The following POLR1A variants were observed in gnomAD, a reference collection of about 807,000 sequenced individuals.
POLR1A encodes DNA-directed RNA polymerase I subunit RPA1.
Under a neutral mutation model 205.3 loss-of-function variants are expected in POLR1A, and 84 were observed. The observed-to-expected ratio is 0.41, with a 90% CI of 0.34 to 0.49. POLR1A has a LOEUF of 0.49. Ranked by LOEUF, POLR1A falls within the 20% of genes least tolerant of loss-of-function variation. The pLI, the probability that POLR1A is intolerant of heterozygous loss-of-function variation, is 0.22. For missense variants in POLR1A, 1,645 were observed against 2,204.5 expected, an observed-to-expected ratio of 0.75 and a Z score of 5.08; for synonymous variants, 799 against 863.7, an observed-to-expected ratio of 0.93 and a Z score of 1.31.
At position 86,031,594 on chromosome 2, in the gene POLR1A, C is replaced by A. The variant is rs750664315; in HGVS notation, c.4314G>T (p.Glu1438Asp). The A allele has an allele frequency of 5.6e-6, 9 of 1,613,352 alleles. No individual in the cohort carries two copies. Among genetic ancestry groups the A allele is most frequent in the Non-Finnish European group, 6.8e-6 (8 of 1,179,334 alleles). ...CCTGCATGTCTTCATCGTCGTTCTCCTCGCCCTCCCTCTCCTCCTCTTCCT... is the reference window on the plus strand; with the variant it reads ...CCTGCATGTCTTCATCGTCGTTCTCATCGCCCTCCCTCTCCTCCTCTTCCT... ...ESEEEEEREG[E>D]ENDDEDMQEE... is the part of the protein sequence containing the mutation. The change falls in exon 30 of 34, where the codon GAG becomes GAT. Residue 1438 changes from glutamate to aspartate, a missense_variant. Glu to Asp is a conservative substitution (Grantham distance 45). This residue lies in a region of POLR1A where 394 missense variants were observed against 468.5 expected (regional missense o/e 0.84). Transcript: ENST00000263857.
rs909636422 is a variant in POLR1A at position 86,020,814 on chromosome 2, C to G, written c.*6609G>C. ...CCCTCCAGTAGCAACAAAAAATGTCCGCAGACACTGCTGAATGTCCCCTGG... is the reference window on the plus strand; with the variant it reads ...CCCTCCAGTAGCAACAAAAAATGTCGGCAGACACTGCTGAATGTCCCCTGG... On this transcript the variant is annotated 3_prime_UTR_variant, in exon 34 of 34. Coordinates refer to ENST00000263857, the MANE Select transcript of POLR1A (RefSeq NM_015425.6). 1 of 152,176 alleles carries G rather than the reference C, an allele frequency of 6.6e-6. No homozygotes were observed. The highest frequency in any genetic ancestry group is 2.4e-5 in the African/African-American group (1 of 41,420). 9.4% of individuals were successfully genotyped at this position (152,176 alleles called of 1,614,324 possible).
intron 19 of POLR1A, among the ~76,000 whole-genome samples, chr2:86,046,274 AAAAAC>A (rs1056700046): frequency 3.9e-5 from 6 of 152,152 alleles, no homozygotes; most frequent in African/African-American, 7.2e-5. Context: ...ATTTTCAATT[AAAAAC>A]AAAACAAAAC....
intron 19 of POLR1A, 115 bp downstream of exon 19, chr2:86,047,050 G>T: frequency 1.5e-6 from 1 of 663,796 alleles, no homozygotes; most frequent in Non-Finnish European, 2.7e-6. Flanking sequence ...ATTTCTACAC[G>T]CTTTCCTCTT....
At chr2:86,031,213 G>A in intron 30 of POLR1A, 117 bp downstream of exon 30, 1 of 1,408,210 alleles carries the variant, frequency 7.1e-7, no homozygotes, top group Non-Finnish European at 9.3e-7. Flanking sequence ...GGAGACCATG[G>A]GGAATGTTGG....
At chr2:86,052,657 A>C (rs1028427889) in intron 16 of POLR1A, among the ~76,000 whole-genome samples, 160 bp downstream of exon 16, 1 of 152,240 alleles carries the variant, frequency 6.6e-6, no homozygotes, top group African/African-American at 2.4e-5. Context: ...CCTGTAATAA[A>C]GCGTGGTGCA....
rs1690202228 is a variant in POLR1A at position 86,023,749 on chromosome 2, T to C, written c.*3674A>G. 1 of 96,944 alleles carries C rather than the reference T, an allele frequency of 1.0e-5. No individual in the cohort carries two copies. The highest frequency in any genetic ancestry group is 9.5e-5 in the Admixed American group (1 of 10,494). The allele number at this position is 96,944 out of a possible 1,614,324, so 6.0% of individuals were successfully genotyped here. Reference sequence around the variant, plus strand: ...TATTCAAAGGAAAGCAGGGTCTGAGTTTTTGTTTTTTTTTTTTTTTGAGAC... The same window carrying C: ...TATTCAAAGGAAAGCAGGGTCTGAGCTTTTGTTTTTTTTTTTTTTTGAGAC... On this transcript the variant is annotated 3_prime_UTR_variant, in exon 34 of 34. Coordinates refer to ENST00000263857, the MANE Select transcript of POLR1A (RefSeq NM_015425.6).
intron 24 of POLR1A, among the ~76,000 whole-genome samples, chr2:86,041,181 G>A (rs1171189085): frequency 2.0e-5 from 2 of 98,974 alleles, no homozygotes; most frequent in African/African-American, 7.7e-5. Context: ...GTGTGTGTGT[G>A]TGTGTGTGTG....
chr2:86,032,231 G>T (rs1029471059), intron 29 of POLR1A, 41 bp downstream of exon 29: 2 of 1,329,690 alleles, frequency 1.5e-6, no homozygotes, highest in South Asian at 1.2e-5. Context: ...AGGGAAGGGG[G>T]CTGGGACCAC....
chr2:86,097,779 G>A (rs1408555532), intron 3 of POLR1A, among the ~76,000 whole-genome samples: 1 of 152,148 alleles, frequency 6.6e-6, no homozygotes, highest in Non-Finnish European at 1.5e-5. Context: ...TTTGTTAAAG[G>A]AGATAAAATT....
intron 19 of POLR1A, among the ~76,000 whole-genome samples, chr2:86,046,486 CT>C (rs1316550680): frequency 6.6e-6 from 1 of 152,088 alleles, no homozygotes; most frequent in African/African-American, 2.4e-5. Context: ...TTTAGACCCT[CT>C]CAAGGTCACC....
At chr2:86,082,983 A>G (rs1474680041) in intron 7 of POLR1A, 99 bp downstream of exon 7, 7 of 887,956 alleles carry the variant, frequency 7.9e-6, no homozygotes, top group Non-Finnish European at 1.3e-5. Context: ...GGAAGCTACA[A>G]TCACTACAAC....
At chr2:86,046,213 T>G (rs1672707314) in intron 19 of POLR1A, among the ~76,000 whole-genome samples, 1 of 152,108 alleles carries the variant, frequency 6.6e-6, no homozygotes, top group African/African-American at 2.4e-5. Flanking sequence ...GAGGATCCCT[T>G]GAGCCCAGAA....
At chr2:86,044,524 G>C (rs1672677219) in intron 21 of POLR1A, among the ~76,000 whole-genome samples, 3 of 152,214 alleles carry the variant, frequency 2.0e-5, no homozygotes, top group Admixed American at 6.5e-5. Context: ...AGGAGGAGGA[G>C]GCTGCAGCCA....
chr2:86,045,206 A>T, intron 21 of POLR1A, 72 bp downstream of exon 21: 2 of 980,702 alleles, frequency 2.0e-6, no homozygotes, highest in East Asian at 4.8e-5. Flanking sequence ...TGAGCTGCTG[A>T]TATAATGTGA....
intron 23 of POLR1A, 109 bp downstream of exon 23, chr2:86,042,865 A>G: frequency 1.3e-6 from 1 of 797,398 alleles, no homozygotes; most frequent in East Asian, 2.4e-5. Flanking sequence ...CGGTGAACAA[A>G]GCTGGAGTTC....
chr2:86,102,909 A>G (rs1406735375), intron 1 of POLR1A, among the ~76,000 whole-genome samples: 2 of 151,956 alleles, frequency 1.3e-5, no homozygotes, highest in Non-Finnish European at 2.9e-5. Flanking sequence ...GGTGTTGTTA[A>G]GAACTGAGAA....
At position 86,022,411 on chromosome 2, in the gene POLR1A, A is replaced by G. The variant is rs1690162718; in HGVS notation, c.*5012T>C. The G allele has an allele frequency of 6.6e-6, 1 of 152,226 alleles. No homozygotes were observed. The highest frequency in any genetic ancestry group is 2.4e-5 in the African/African-American group (1 of 41,452). The allele number at this position is 152,226 out of a possible 1,614,324, so 9.4% of individuals were successfully genotyped here. ...GATCCTACTGCAGAAACCTAGGGCC[A>G]GTGACTCCTTGAGATGTCATCGTAC... On this transcript the variant is annotated 3_prime_UTR_variant, in exon 34 of 34. Transcript: ENST00000263857.
intron 11 of POLR1A, among the ~76,000 whole-genome samples, chr2:86,075,659 C>A (rs1461540976): frequency 6.6e-6 from 1 of 152,156 alleles, no homozygotes; most frequent in Non-Finnish European, 1.5e-5. Context: ...CAGGCACACA[C>A]TACCACACCT....
At chr2:86,068,155 G>A (rs1352867874) in intron 13 of POLR1A, among the ~76,000 whole-genome samples, 1 of 152,170 alleles carries the variant, frequency 6.6e-6, no homozygotes, top group Non-Finnish European at 1.5e-5. Context: ...TCACTGGTCT[G>A]AGGACTTCAG....
Sources: gnomAD v4.1 joint callset for allele counts (sites outside exome capture counted in the v4.1 genomes callset) on GRCh38, gnomAD v4.1.1 for gene constraint, gnomAD v4.1.1 regional missense constraint, MANE v1.5 for transcripts, NCBI Gene and HGNC (gene_info 2026-07-23, HGNC 2026-07-21) for gene names.